Variants in ANKRD52 observed in about 807,000 individuals in gnomAD.
The protein encoded by ANKRD52 is ankyrin repeat domain 52.
In ANKRD52, 7 loss-of-function variants were observed where a neutral mutation model predicts 116.0. The ratio of observed to expected loss-of-function variants is 0.06; its 90% confidence interval spans 0.03 to 0.11. The LOEUF (loss-of-function observed/expected upper bound fraction) is 0.11. Among genes scored for constraint, ANKRD52 ranks in the 10% least tolerant of loss-of-function variants. ANKRD52 has a pLI of 1.00. For synonymous variants in ANKRD52, 528 were observed against 578.1 expected (o/e 0.91, Z 1.24); for missense variants, 839 against 1,408.6 (o/e 0.60, Z 6.47).
chr12:56,257,272 C>A lies in ANKRD52; in HGVS notation c.190+11G>T. 1 of 1,586,632 alleles carries A rather than the reference C, an allele frequency of 6.3e-7. No homozygotes were observed. The highest frequency in any genetic ancestry group is 2.3e-5 in the East Asian group (1 of 43,636). On this transcript the variant is annotated intron_variant, in intron 3 of 27. Transcript: ENST00000267116. Reference sequence around the variant, plus strand: ...CCCTATGTGCCACACCTTCCAGCTCCCCACTTTCACCTGACATCAGTAGCA... The same window carrying A: ...CCCTATGTGCCACACCTTCCAGCTCACCACTTTCACCTGACATCAGTAGCA...
chr12:56,254,550 T>C lies in ANKRD52; in HGVS notation c.693+28A>G. On this transcript the variant is annotated intron_variant, in intron 7 of 27. Transcript: ENST00000267116. The surrounding 1 kb of genome is among the most constrained non-coding windows in gnomAD (Gnocchi z 4.6). ...TAATCTCCTACTTGCTGCCCATAGT[T>C]CCCAACCCCAGAGCTCAAAGCCCTG... The C allele has an allele frequency of 6.2e-7, 1 of 1,608,776 alleles. No individual in the cohort carries two copies. Among genetic ancestry groups the C allele is most frequent in the Non-Finnish European group, 8.5e-7 (1 of 1,177,374 alleles).
chr12:56,243,666 G>T lies in ANKRD52; in HGVS notation c.2980+119C>A. ...TCCAGAGTACTGGTGTGGGCTCCCT[G>T]CTCTGAAGAGTTCCCTTGGGAAGAA... On this transcript the variant is annotated intron_variant, in intron 27 of 27. Transcript: ENST00000267116. This position sits in a 1 kb window ranked among gnomAD's most constrained non-coding sequence, Gnocchi z 4.6. 2 of 1,152,204 alleles carry T rather than the reference G, an allele frequency of 1.7e-6. No individual in the cohort carries two copies. The highest frequency in any genetic ancestry group is 2.5e-6 in the Non-Finnish European group (2 of 808,118). 71.4% of individuals were successfully genotyped at this position (1,152,204 alleles called of 1,614,324 possible).
In ANKRD52 at chr12:56,253,569, C is replaced by T. The variant is rs1871802557; in HGVS notation, c.985+153G>A. On this transcript the variant is annotated intron_variant, in intron 9 of 27. Coordinates refer to ENST00000267116, the MANE Select transcript of ANKRD52 (RefSeq NM_173595.4). This position sits in a 1 kb window ranked among gnomAD's most constrained non-coding sequence, Gnocchi z 5.5. Reference sequence around the variant, plus strand: ...CCTTAGGAGACTGGGCAGGGCAGAGCAGGGCCATTTCCACAGGTCCCTTGG... The same window carrying T: ...CCTTAGGAGACTGGGCAGGGCAGAGTAGGGCCATTTCCACAGGTCCCTTGG... Among the ~76,000 whole-genome samples the T allele has an allele frequency of 6.6e-6, 1 of 152,114 alleles. No individual in the cohort carries two copies.
rs1303728773 is a variant in ANKRD52, at chr12:56,239,763, C to A, written c.*3379G>T. The A allele has an allele frequency of 2.0e-5, 3 of 152,306 alleles. No individual in the cohort carries two copies. The highest frequency in any genetic ancestry group is 4.4e-5 in the Non-Finnish European group (3 of 68,118). The allele number at this position is 152,306 out of a possible 1,614,324, so 9.4% of individuals were successfully genotyped here. On this transcript the variant is annotated 3_prime_UTR_variant, in exon 28 of 28. Coordinates refer to ENST00000267116, the MANE Select transcript of ANKRD52 (RefSeq NM_173595.4). ...GCCCCATCCACCCCACCTCCAGCCT[C>A]TTCTCCCCTTCTAGGTCCAGGGAGT...
rs778099145 is a variant in ANKRD52, at chr12:56,243,887, A to G, written c.2889-11T>C. ...GCAATGTGGAGTGGCCTTGGAAAAA[A>G]GGAAAAAGAAGGAGCTTGATGCTAA... is the stretch of plus-strand genomic sequence containing the variant. On this transcript the variant is annotated splice_polypyrimidine_tract_variant and intron_variant, in intron 26 of 27. Coordinates refer to ENST00000267116, the MANE Select transcript of ANKRD52 (RefSeq NM_173595.4). This position sits in a 1 kb window ranked among gnomAD's most constrained non-coding sequence, Gnocchi z 4.6. 17 of 1,569,786 alleles carry G rather than the reference A, an allele frequency of 1.1e-5. No homozygotes were observed. In the African/African-American group the frequency reaches 1.5e-4, roughly 14 times the overall value.
At position 56,254,606 on chromosome 12, in the gene ANKRD52, A is replaced by G; in HGVS notation, c.665T>C (p.Val222Ala). ...TAAASGQIEVVKYLLRMGAEI... is the reference protein window; with the variant it reads ...TAAASGQIEVAKYLLRMGAEI... ...CGCTCCCATCCGAAGCAGGTACTTCACCACTTCAATCTGGCCACTGGCAGC... is the reference window on the plus strand; with the variant it reads ...CGCTCCCATCCGAAGCAGGTACTTCGCCACTTCAATCTGGCCACTGGCAGC... The change falls in exon 7 of 28, where the codon GTG becomes GCG. Residue 222 changes from valine to alanine, a missense_variant. Transcript: ENST00000267116. This position sits in a 1 kb window ranked among gnomAD's most constrained non-coding sequence, Gnocchi z 4.6. The G allele has an allele frequency of 1.2e-6, 2 of 1,613,942 alleles. No homozygotes were observed. The highest frequency in any genetic ancestry group is 1.7e-6 in the Non-Finnish European group (2 of 1,179,874).
Position 56,253,690 on chromosome 12 carries a change from G to C in ANKRD52, c.985+32C>G. ...GAAATGAGTTCCTTGGGGGAGGAGGGGATGAGAGCACAAAGTCTCCCAGGT... is the reference window on the plus strand; with the variant it reads ...GAAATGAGTTCCTTGGGGGAGGAGGCGATGAGAGCACAAAGTCTCCCAGGT... On this transcript the variant is annotated intron_variant, in intron 9 of 27. Transcript: ENST00000267116. The surrounding 1 kb of genome is among the most constrained non-coding windows in gnomAD (Gnocchi z 5.5). The C allele has an allele frequency of 6.2e-7, 1 of 1,601,674 alleles. No homozygotes were observed. The highest frequency in any genetic ancestry group is 8.6e-7 in the Non-Finnish European group (1 of 1,169,466).
At chr12:56,256,939 G>T (rs1871981262) in intron 4 of ANKRD52, 76 bp downstream of exon 4, 3 of 1,461,092 alleles carry the variant, frequency 2.1e-6, no homozygotes, top group Middle Eastern at 2.2e-4. Context: ...TGAGGACTGA[G>T]GCTCCTTAAC....
chr12:56,246,958 TAATAATAATAATAATAAAC>T (rs1436822332), intron 20 of ANKRD52, among the ~76,000 whole-genome samples: 35 of 143,738 alleles, frequency 2.4e-4, no homozygotes, highest in Middle Eastern at 3.6e-3. Context: ...ATAATAATAA[TAATAATAATAATAATAAAC>T]AAAGCACAGA....
chr12:56,244,306 T>G lies in ANKRD52; in HGVS notation c.2805+47A>C. On this transcript the variant is annotated intron_variant, in intron 25 of 27. Coordinates refer to ENST00000267116, the MANE Select transcript of ANKRD52 (RefSeq NM_173595.4). This position sits in a 1 kb window ranked among gnomAD's most constrained non-coding sequence, Gnocchi z 4.9. ...TGCAACCGAGACTTACCTCTCTTCATCAAGCTCTGCCCCTTATGCAGTCCC... is the reference window on the plus strand; with the variant it reads ...TGCAACCGAGACTTACCTCTCTTCAGCAAGCTCTGCCCCTTATGCAGTCCC... 6.3e-7 allele frequency: 1 copy of G among 1,599,316 alleles called. No homozygotes were observed. The highest frequency in any genetic ancestry group is 1.1e-5 in the South Asian group (1 of 90,616).
At chr12:56,246,737 C>T (rs1038898515) in intron 20 of ANKRD52, among the ~76,000 whole-genome samples, 10 of 151,486 alleles carry the variant, frequency 6.6e-5, no homozygotes, top group Admixed American at 2.6e-4. Context: ...CTGGCTAACA[C>T]GGTGAAACCC....
Position 56,255,144 on chromosome 12 carries a change from T to G in ANKRD52, c.463-192A>C. 7.4e-6 allele frequency: 4 copies of G among 539,764 alleles called. No homozygotes were observed. The highest frequency in any genetic ancestry group is 1.3e-5 in the Non-Finnish European group (4 of 301,866). The allele number at this position is 539,764 out of a possible 1,614,324, so 33.4% of individuals were successfully genotyped here. ...GGAGATACTGGAGAGATTTGGAACT[T>G]TAAGGGAAACAAGAGAGTCTCTTCA... On this transcript the variant is annotated intron_variant, in intron 5 of 27. Coordinates refer to ENST00000267116, the MANE Select transcript of ANKRD52 (RefSeq NM_173595.4). This position sits in a 1 kb window ranked among gnomAD's most constrained non-coding sequence, Gnocchi z 4.3.
At position 56,252,106 on chromosome 12, in the gene ANKRD52, G is replaced by A. The variant is rs1330271984; in HGVS notation, c.1512-11C>T. On this transcript the variant is annotated splice_polypyrimidine_tract_variant and intron_variant, in intron 14 of 27. Coordinates refer to ENST00000267116, the MANE Select transcript of ANKRD52 (RefSeq NM_173595.4). This position sits in a 1 kb window ranked among gnomAD's most constrained non-coding sequence, Gnocchi z 4.7. ...GTATGGGGTTCCGCTCTGGGGAAGA[G>A]AGAGAGAAAGTTAGGGCCAGGCTCA... The A allele has an allele frequency of 1.2e-6, 2 of 1,613,746 alleles. No individual in the cohort carries two copies. Among genetic ancestry groups the A allele is most frequent in the Non-Finnish European group, 1.7e-6 (2 of 1,179,882 alleles).
In ANKRD52 at chr12:56,255,820, A is replaced by G; in HGVS notation, c.426T>C (p.Ser142=). 1 of 1,583,284 alleles carries G rather than the reference A, an allele frequency of 6.3e-7. No homozygotes were observed. Among genetic ancestry groups the G allele is most frequent in the Admixed American group, 1.8e-5 (1 of 55,972 alleles). Residue 142 remains serine (S), a synonymous_variant, in exon 5 of 28, where the codon AGT becomes AGC. Coordinates refer to ENST00000267116, the MANE Select transcript of ANKRD52 (RefSeq NM_173595.4). The surrounding 1 kb of genome is among the most constrained non-coding windows in gnomAD (Gnocchi z 4.3). ...CACTATGCACTGCATGGTGCAGAGCACTGCGCCCGCTCCTGTCAGCCACGT... is the reference window on the plus strand; with the variant it reads ...CACTATGCACTGCATGGTGCAGAGCGCTGCGCCCGCTCCTGTCAGCCACGT... The part of the protein sequence containing the change: ...SLNVADRSGR[S]ALHHAVHSGH...
chr12:56,255,843 C>T lies in ANKRD52; in HGVS notation c.403G>A (p.Val135Met), dbSNP rs368473098. Residue 135 changes from valine to methionine, a missense_variant, in exon 5 of 28, where the codon GTG becomes ATG. Coordinates refer to ENST00000267116, the MANE Select transcript of ANKRD52 (RefSeq NM_173595.4). This position sits in a 1 kb window ranked among gnomAD's most constrained non-coding sequence, Gnocchi z 4.3. ...ALAPLLSSLN[V>M]ADRSGRSALH... ...GCACTGCGCCCGCTCCTGTCAGCCA[C>T]GTTGAGGCTGCTCAACAGGGGTGCC... The T allele has an allele frequency of 6.3e-6, 10 of 1,579,448 alleles. No individual in the cohort carries two copies. The highest frequency in any genetic ancestry group is 4.6e-5 in the South Asian group (4 of 86,568).
At chr12:56,257,641 A>G (rs1872021842) in intron 2 of ANKRD52, among the ~76,000 whole-genome samples, 187 bp downstream of exon 2, 2 of 152,032 alleles carry the variant, frequency 1.3e-5, no homozygotes, top group South Asian at 4.1e-4. Flanking sequence ...TCCCAGCCCA[A>G]GTGATCTGGG....
intron 20 of ANKRD52, 100 bp from the exon 21 acceptor site, chr12:56,245,696 T>G (rs1390028295): frequency 1.5e-5 from 11 of 718,150 alleles, no homozygotes; most frequent in African/African-American, 5.6e-5. Context: ...CTTCCAGGGC[T>G]CCAATCCTTG....
At chr12:56,245,023 G>A (rs769124135) in intron 22 of ANKRD52, 34 bp from the exon 23 acceptor site, 2 of 1,613,188 alleles carry the variant, frequency 1.2e-6, no homozygotes, top group Admixed American at 3.3e-5. Context: ...CATCAGGAAG[G>A]ACAAGGGAAG....
chr12:56,243,026 C>G lies in ANKRD52; in HGVS notation c.*116G>C. 7.3e-7 allele frequency: 1 copy of G among 1,378,282 alleles called. No individual in the cohort carries two copies. 85.4% of individuals were successfully genotyped at this position (1,378,282 alleles called of 1,614,324 possible). On this transcript the variant is annotated 3_prime_UTR_variant, in exon 28 of 28. Coordinates refer to ENST00000267116, the MANE Select transcript of ANKRD52 (RefSeq NM_173595.4). The surrounding 1 kb of genome is among the most constrained non-coding windows in gnomAD (Gnocchi z 4.6). ...AGCTGCTCCCCAGGGCTTCCTTCCC[C>G]TCCGCCCCCTCCACCCAGTCGTGTT...
Sources: gnomAD v4.1 joint callset for allele counts (sites outside exome capture counted in the v4.1 genomes callset) on GRCh38, gnomAD v4.1.1 for gene constraint, Gnocchi (gnomAD v3.1) non-coding constraint, MANE v1.5 for transcripts, NCBI Gene and HGNC (gene_info 2026-07-23, HGNC 2026-07-21) for gene names.